The following TMEFF2 variants were observed in gnomAD, a reference collection of about 807,000 sequenced individuals.
TMEFF2 encodes transmembrane protein with EGF like and two follistatin like domains 2, also known as tomoregulin-2.
In TMEFF2, 28 loss-of-function variants were observed where a neutral mutation model predicts 53.8. The ratio of observed to expected loss-of-function variants is 0.52; its 90% confidence interval spans 0.39 to 0.71. The LOEUF (loss-of-function observed/expected upper bound fraction) is 0.71. Among genes scored for constraint, TMEFF2 ranks in the 30% least tolerant of loss-of-function variants. TMEFF2 has a pLI of 0.00. For synonymous variants in TMEFF2, 162 were observed against 166.3 expected (o/e 0.97, Z 0.20); for missense variants, 353 against 455.2 (o/e 0.78, Z 2.04).
chr2:192,187,360 G>T lies in TMEFF2; in HGVS notation c.283-2877C>A, dbSNP rs909465293. ...TTATACAAAGACATGTAAATTATTT[G>T]CTTTGTATGATATGTATTTTAACTA... On this transcript the variant is annotated intron_variant, in intron 2 of 9. Coordinates refer to ENST00000272771, the MANE Select transcript of TMEFF2 (RefSeq NM_016192.4). 7.2e-5 allele frequency among the ~76,000 whole-genome samples: 11 copies of T among 152,156 alleles called. No individual in the cohort carries two copies. In the East Asian group the frequency reaches 2.1e-3, roughly 29 times the overall value.
chr2:192,192,186 C>A (rs1347030253), intron 1 of TMEFF2, among the ~76,000 whole-genome samples, 197 bp from the exon 2 acceptor site: 1 of 152,096 alleles, frequency 6.6e-6, no homozygotes, highest in Non-Finnish European at 1.5e-5. Flanking sequence ...TTCCACAATT[C>A]TTTTCTAGTC....
intron 4 of TMEFF2, among the ~76,000 whole-genome samples, chr2:192,171,587 A>C (rs1358274110): frequency 6.6e-6 from 1 of 151,852 alleles, no homozygotes; most frequent in Non-Finnish European, 1.5e-5. Context: ...GCATCTTCTC[A>C]CTCATTTTAG....
chr2:192,183,468 A>G (rs910036466), intron 3 of TMEFF2, among the ~76,000 whole-genome samples: 1 of 152,078 alleles, frequency 6.6e-6, no homozygotes, highest in African/African-American at 2.4e-5. Flanking sequence ...ATTTTTAGAG[A>G]AAGTTTATAA....
intron 4 of TMEFF2, among the ~76,000 whole-genome samples, chr2:192,172,132 C>A (rs1464222381): frequency 6.6e-6 from 1 of 151,884 alleles, no homozygotes; most frequent in Non-Finnish European, 1.5e-5. Context: ...AAAAGCTCAG[C>A]CCTGCTTTTC....
At chr2:191,968,255 C>G (rs200622061) in intron 7 of TMEFF2, among the ~76,000 whole-genome samples, 1 of 152,104 alleles carries the variant, frequency 6.6e-6, no homozygotes, top group Non-Finnish European at 1.5e-5. Flanking sequence ...AGCATTGGGC[C>G]ACTGGTGATA....
rs1691266230 is a variant in TMEFF2 at position 192,184,554 on chromosome 2, A to G, written c.283-71T>C. ...TATCCCTCTGACACGATGAACAGAA[A>G]TAATCATTTACAAAAGAAACCACTT... On this transcript the variant is annotated intron_variant, in intron 2 of 9. Coordinates refer to ENST00000272771, the MANE Select transcript of TMEFF2 (RefSeq NM_016192.4). 8 of 1,562,450 alleles carry G rather than the reference A, an allele frequency of 5.1e-6. No individual in the cohort carries two copies. The East Asian group carries it at 1.6e-4, about 31-fold the overall frequency.
At chr2:192,167,794 G>C (rs1354805653) in intron 4 of TMEFF2, among the ~76,000 whole-genome samples, 2 of 152,120 alleles carry the variant, frequency 1.3e-5, no homozygotes, top group African/African-American at 2.4e-5. Context: ...GAGATGATGT[G>C]TATTATGGCA....
chr2:191,991,521 G>C (rs1686107191), intron 7 of TMEFF2, among the ~76,000 whole-genome samples: 1 of 152,034 alleles, frequency 6.6e-6, no homozygotes, highest in Non-Finnish European at 1.5e-5. Flanking sequence ...AACAGATCAA[G>C]AAACTGAGGC....
At chr2:192,076,445 A>G (rs1688434533) in intron 4 of TMEFF2, among the ~76,000 whole-genome samples, 1 of 152,166 alleles carries the variant, frequency 6.6e-6, no homozygotes, top group Admixed American at 6.6e-5. Flanking sequence ...AAAACTAGAT[A>G]TAATTTTTAA....
At chr2:192,138,132 A>C (rs1007118973) in intron 4 of TMEFF2, among the ~76,000 whole-genome samples, 28 of 152,172 alleles carry the variant, frequency 1.8e-4, no homozygotes, top group African/African-American at 6.8e-4. Flanking sequence ...TGAGTAATAT[A>C]TTTTTGAAAC....
At chr2:192,165,074 A>G (rs563949061) in intron 4 of TMEFF2, among the ~76,000 whole-genome samples, 1 of 152,066 alleles carries the variant, frequency 6.6e-6, no homozygotes, top group African/African-American at 2.4e-5. Context: ...CACAAAACAA[A>G]TAGCACAGAT....
At chr2:192,132,811 T>C (rs943910399) in intron 4 of TMEFF2, among the ~76,000 whole-genome samples, 2 of 152,182 alleles carry the variant, frequency 1.3e-5, no homozygotes, top group African/African-American at 4.8e-5. Context: ...TCAACTCACC[T>C]GGCAGCCACT....
intron 4 of TMEFF2, among the ~76,000 whole-genome samples, chr2:192,128,008 T>A (rs1350991528): frequency 6.6e-6 from 1 of 152,204 alleles, no homozygotes; most frequent in Admixed American, 6.5e-5. Context: ...ACAATTCTAC[T>A]GTGCAAGGTA....
At chr2:192,029,257 A>C (rs374405618) in intron 5 of TMEFF2, 7 of 151,892 alleles carry the variant, frequency 4.6e-5, no homozygotes, top group African/African-American at 1.7e-4. Flanking sequence ...CGCATGAGTG[A>C]GCTTGCAAGT....
chr2:192,048,887 C>G (rs2105894051), intron 5 of TMEFF2, among the ~76,000 whole-genome samples: 1 of 152,282 alleles, frequency 6.6e-6, no homozygotes, highest in South Asian at 2.1e-4. Context: ...TAGTAACATT[C>G]TCATCTGATT....
Position 192,139,956 on chromosome 2 carries a change from T to C in TMEFF2, c.439+39712A>G, listed in dbSNP as rs1203593289. On this transcript the variant is annotated intron_variant, in intron 4 of 9. Transcript: ENST00000272771. ...TCCATTCAGTTCAACACTTTTTTTC[T>C]TTTTTCAGCAACGTCTTAGCTGAAA... Among the ~76,000 whole-genome samples the C allele has an allele frequency of 6.6e-5, 10 of 152,172 alleles. No homozygotes were observed. The East Asian group carries it at 1.3e-3, about 21-fold the overall frequency.
At chr2:192,100,531 G>A (rs1689009826) in intron 4 of TMEFF2, among the ~76,000 whole-genome samples, 2 of 152,110 alleles carry the variant, frequency 1.3e-5, no homozygotes, top group Admixed American at 1.3e-4. Context: ...AGTGAAGAAT[G>A]ACCCTTTTAT....
intron 5 of TMEFF2, among the ~76,000 whole-genome samples, chr2:192,000,375 A>G (rs1686326833): frequency 6.6e-6 from 1 of 152,164 alleles, no homozygotes; most frequent in South Asian, 2.1e-4. Flanking sequence ...TGTTTTACAG[A>G]CCAAAGACAT....
chr2:192,118,779 ATACTT>A (rs1252427771), intron 4 of TMEFF2, among the ~76,000 whole-genome samples: 1 of 152,190 alleles, frequency 6.6e-6, no homozygotes, highest in African/African-American at 2.4e-5. Context: ...AGATATGAAA[ATACTT>A]TATATGTAGA....
Sources: gnomAD v4.1 joint callset for allele counts (sites outside exome capture counted in the v4.1 genomes callset) on GRCh38, gnomAD v4.1.1 for gene constraint, MANE v1.5 for transcripts, NCBI Gene and HGNC (gene_info 2026-07-23, HGNC 2026-07-21) for gene names.